The following THSD4 variants were observed in gnomAD, a reference collection of about 807,000 sequenced individuals.
The protein encoded by THSD4 is thrombospondin type 1 domain containing 4, also known as thrombospondin type-1 domain-containing protein 4.
Under a neutral mutation model 119.0 loss-of-function variants are expected in THSD4, and 69 were observed. That is an observed-to-expected ratio of 0.58 (90% confidence interval 0.48 to 0.71). The LOEUF (loss-of-function observed/expected upper bound fraction) is 0.71, where lower values mean the gene tolerates loss of function less well. Ranked by LOEUF, THSD4 falls within the 30% of genes least tolerant of loss-of-function variation. The pLI, the probability that THSD4 is intolerant of heterozygous loss-of-function variation, is 0.00. For missense variants in THSD4, 1,393 were observed against 1,391.1 expected (o/e 1.00, Z -0.02); for synonymous variants, 524 against 540.4 (o/e 0.97, Z 0.42).
chr15:71,410,241 C>T (rs113432016), intron 6 of THSD4, among the ~76,000 whole-genome samples: 3 of 152,284 alleles, frequency 2.0e-5, no homozygotes, highest in African/African-American at 7.2e-5. Context: ...AAGCTCTGTG[C>T]TGGGTTCCTG....
intron 7 of THSD4, among the ~76,000 whole-genome samples, chr15:71,449,532 A>G (rs2047234530): frequency 6.6e-6 from 1 of 152,164 alleles, no homozygotes. Flanking sequence ...GATGGAGATA[A>G]TTCTGTGTAG....
chr15:71,626,374 A>C (rs2050510477), intron 7 of THSD4, among the ~76,000 whole-genome samples: 1 of 152,164 alleles, frequency 6.6e-6, no homozygotes, highest in Non-Finnish European at 1.5e-5. Context: ...GACTGTGGGC[A>C]TCTTTGTCTT....
At chr15:71,171,645 T>G (rs1258837536) in intron 3 of THSD4, among the ~76,000 whole-genome samples, 1 of 152,214 alleles carries the variant, frequency 6.6e-6, no homozygotes, top group Admixed American at 6.5e-5. Flanking sequence ...AAGCATCTTT[T>G]AAAGATTGAC....
At chr15:71,750,224 A>T (rs1327917803) in intron 14 of THSD4, among the ~76,000 whole-genome samples, 1 of 152,098 alleles carries the variant, frequency 6.6e-6, no homozygotes, top group Non-Finnish European at 1.5e-5. Flanking sequence ...AGTATCTCAG[A>T]CTCAAAGAAG....
chr15:71,515,673 G>A (rs1227135525), intron 7 of THSD4, among the ~76,000 whole-genome samples: 1 of 152,206 alleles, frequency 6.6e-6, no homozygotes, highest in Non-Finnish European at 1.5e-5. Flanking sequence ...TGCAGCTTGT[G>A]TGGGAAAGGA....
chr15:71,745,037 G>A, intron 11 of THSD4, 69 bp from the exon 12 acceptor site: 5 of 1,548,038 alleles, frequency 3.2e-6, no homozygotes, highest in Non-Finnish European at 4.4e-6. Context: ...GAATCTCTGT[G>A]CATCTCCACC....
chr15:71,519,243 C>T (rs538625521), intron 7 of THSD4, among the ~76,000 whole-genome samples: 6 of 152,000 alleles, frequency 3.9e-5, no homozygotes, highest in East Asian at 1.9e-4. Context: ...GCTGTGTAGC[C>T]GGTGGGGGTG....
intron 8 of THSD4, among the ~76,000 whole-genome samples, chr15:71,716,539 CTGTT>C (rs10595000): frequency 0.9 from 134,973 of 150,206 alleles, 62,019 homozygotes; most frequent in Non-Finnish European, 0.99. Flanking sequence ...GAGCACTTTC[CTGTT>C]TGTTTTATAG....
At chr15:71,131,705 T>G (rs897107417) in intron 1 of THSD4, among the ~76,000 whole-genome samples, 2 of 152,228 alleles carry the variant, frequency 1.3e-5, no homozygotes, top group African/African-American at 4.8e-5. Context: ...GGAACAGAGA[T>G]AGACTGTGTT....
intron 13 of THSD4, 100 bp downstream of exon 13, chr15:71,747,142 C>T (rs2053355874): frequency 2.2e-6 from 3 of 1,374,148 alleles, no homozygotes; most frequent in Non-Finnish European, 3.0e-6. Flanking sequence ...CCCTGAGTTC[C>T]ACAGGAGGGA....
At chr15:71,500,283 G>A (rs1483906997) in intron 7 of THSD4, among the ~76,000 whole-genome samples, 2 of 152,080 alleles carry the variant, frequency 1.3e-5, no homozygotes, top group Non-Finnish European at 2.9e-5. Flanking sequence ...TATGGTCTTT[G>A]AAGAAATGTC....
At chr15:71,494,564 C>T (rs2047980494) in intron 7 of THSD4, among the ~76,000 whole-genome samples, 1 of 151,856 alleles carries the variant, frequency 6.6e-6, no homozygotes, top group Non-Finnish European at 1.5e-5. Context: ...ACCGCCACCA[C>T]ACGATGGACC....
intron 7 of THSD4, among the ~76,000 whole-genome samples, chr15:71,524,783 T>C (rs1160807042): frequency 1.5e-5 from 2 of 133,584 alleles, no homozygotes; most frequent in African/African-American, 2.8e-5. Context: ...TTTTTTTTTT[T>C]TGTATTTTTT....
chr15:71,675,410 A>G (rs975127948), intron 8 of THSD4, among the ~76,000 whole-genome samples: 2 of 152,152 alleles, frequency 1.3e-5, no homozygotes, highest in African/African-American at 2.4e-5. Context: ...AGGCCGTGCA[A>G]TCCTTGAAGA....
intron 7 of THSD4, among the ~76,000 whole-genome samples, chr15:71,509,612 A>G (rs2048247668): frequency 6.6e-6 from 1 of 152,236 alleles, no homozygotes; most frequent in Admixed American, 6.5e-5. Context: ...AGAGCTAGAA[A>G]TCAAACCTGG....
At chr15:71,203,650 AGC>A (rs1303468336) in intron 3 of THSD4, among the ~76,000 whole-genome samples, 2 of 152,174 alleles carry the variant, frequency 1.3e-5, no homozygotes, top group Non-Finnish European at 2.9e-5. Context: ...TGGGCGACAG[AGC>A]AAGACTCCAT....
chr15:71,621,648 T>C (rs2050420406), intron 7 of THSD4, among the ~76,000 whole-genome samples: 1 of 152,256 alleles, frequency 6.6e-6, no homozygotes, highest in East Asian at 1.9e-4. Flanking sequence ...TTAATAGCTA[T>C]GTTTGGACAC....
intron 2 of THSD4, among the ~76,000 whole-genome samples, chr15:71,149,725 T>G (rs529570517): frequency 6.6e-6 from 1 of 152,256 alleles, no homozygotes; most frequent in South Asian, 2.1e-4. Flanking sequence ...CTTGTTTTCC[T>G]TGTTTTGTTA....
intron 7 of THSD4, among the ~76,000 whole-genome samples, chr15:71,633,269 C>CTTTTTT (rs67682951): frequency 4.2e-3 from 268 of 63,168 alleles, no homozygotes; most frequent in Non-Finnish European, 6.0e-3. Context: ...TTCTTTCTTT[C>CTTTTTT]TTTTTTTTTT....
Sources: gnomAD v4.1 joint callset for allele counts (sites outside exome capture counted in the v4.1 genomes callset) on GRCh38, gnomAD v4.1.1 for gene constraint, MANE v1.5 for transcripts, NCBI Gene and HGNC (gene_info 2026-07-23, HGNC 2026-07-21) for gene names.